The following IFT140 variants were observed in gnomAD, a reference collection of about 807,000 sequenced individuals.
IFT140 encodes the protein intraflagellar transport protein 140 homolog.
IFT140 carries 133 observed loss-of-function variants against 164.6 expected under a neutral mutation model. The observed-to-expected ratio is 0.81, with a 90% CI of 0.70 to 0.93. The LOEUF is 0.93. Ranked by LOEUF, IFT140 falls within the 40% of genes least tolerant of loss-of-function variation. IFT140 has a pLI of 0.00. For synonymous variants in IFT140, 860 were observed against 817.3 expected, an observed-to-expected ratio of 1.05 and a Z score of -0.89; for missense variants, 2,045 against 1,972.3, an observed-to-expected ratio of 1.04 and a Z score of -0.70.
Position 1,552,856 on chromosome 16 carries a change from T to C in IFT140, c.2399+5079A>G, listed in dbSNP as rs1402621294. On this transcript the variant is annotated intron_variant, in intron 19 of 30. Coordinates refer to ENST00000426508, the MANE Select transcript of IFT140 (RefSeq NM_014714.4). ...TTTTAGTAGAGATAGGGTTTCACCA[T>C]CTTGGCCAGGCTGGTCTTGAACTCG... 8.4e-6 allele frequency: 4 copies of C among 478,552 alleles called. No homozygotes were observed. In the African/African-American group the frequency reaches 8.6e-5, roughly 10 times the overall value. The allele number at this position is 478,552 out of a possible 1,614,324, so 29.6% of individuals were successfully genotyped here. A position where few individuals can be genotyped will look rare whatever the true frequency, so the allele number is the denominator to read the frequency against.
At position 1,511,088 on chromosome 16, in the gene IFT140, C is replaced by T. The variant is rs1261908138; in HGVS notation, c.4245G>A (p.Val1415=). 4 of 1,610,522 alleles carry T rather than the reference C, an allele frequency of 2.5e-6. No individual in the cohort carries two copies. Among genetic ancestry groups the T allele is most frequent in the Non-Finnish European group, 3.4e-6 (4 of 1,179,058 alleles). ...GCACGGCGTCCACGGCCTGCGGGCT[C>T]ACGTAGTAGGACATGTTGGCCAAGG... is the stretch of plus-strand genomic sequence containing the variant. ...RLPLANMSYY[V]SPQAVDAVHR... Residue 1415 remains valine, a synonymous_variant, in exon 31 of 31, where the codon GTG becomes GTA. Transcript: ENST00000426508.
At chr16:1,588,336 T>A (rs1200093868) in intron 7 of IFT140, among the ~76,000 whole-genome samples, 2 of 151,960 alleles carry the variant, frequency 1.3e-5, no homozygotes, top group African/African-American at 4.8e-5. Flanking sequence ...CCATCCTGGC[T>A]AACACAGTGA....
chr16:1,561,026 C>T (rs1380531658), intron 18 of IFT140, among the ~76,000 whole-genome samples: 1 of 152,262 alleles, frequency 6.6e-6, no homozygotes, highest in African/African-American at 2.4e-5. Context: ...CTCCCGCCTG[C>T]AGAACCCCTG....
chr16:1,568,118 C>T lies in IFT140; in HGVS notation c.1770+99G>A, dbSNP rs1019983821. The T allele has an allele frequency of 6.2e-6, 5 of 805,946 alleles. No individual in the cohort carries two copies. The Admixed American group carries it at 1.0e-4, about 16-fold the overall frequency. The allele number at this position is 805,946 out of a possible 1,614,324, so 49.9% of individuals were successfully genotyped here. ...CTGAACAGAACACAGGACAGGAAGA[C>T]TTGCACAGGAGGAGAGAGGCACGAG... On this transcript the variant is annotated intron_variant, in intron 15 of 30. Coordinates refer to ENST00000426508, the MANE Select transcript of IFT140 (RefSeq NM_014714.4).
rs142668269 is a variant in IFT140 at position 1,518,239 on chromosome 16, C to A, written c.4159G>T (p.Val1387Leu). The change falls in exon 30 of 31, where the codon GTG (valine) becomes TTG (leucine). Residue 1387 changes from valine to leucine, a missense_variant. Physicochemically the swap from Val to Leu is conservative, Grantham distance 32 (BLOSUM62 1). Transcript: ENST00000426508. ...DVYGFLVEHY[V>L]RKEEYQTAYR... ...ACCGTCTGGTATTCCTCCTTCCGCA[C>A]GTAGTGCTCCACCAGGAAGCCATAG... is the stretch of plus-strand genomic sequence containing the variant. 48 of 1,613,840 alleles carry A rather than the reference C, an allele frequency of 3.0e-5. No homozygotes were observed. Among genetic ancestry groups the A allele is most frequent in the Admixed American group, 1.2e-4 (7 of 59,994 alleles).
chr16:1,548,333 C>T (rs1596343332), intron 19 of IFT140, among the ~76,000 whole-genome samples: 1 of 152,324 alleles, frequency 6.6e-6, no homozygotes, highest in Non-Finnish European at 1.5e-5. Context: ...TGTGTGACAG[C>T]CATTCCAAAA....
At chr16:1,548,389 GA>G (rs2032350905) in intron 19 of IFT140, among the ~76,000 whole-genome samples, 2 of 152,220 alleles carry the variant, frequency 1.3e-5, no homozygotes, top group Admixed American at 1.3e-4. Flanking sequence ...CCGCAGGAAG[GA>G]AAGGAGAGGG....
intron 19 of IFT140, among the ~76,000 whole-genome samples, chr16:1,537,729 C>T (rs996511278): frequency 2.0e-5 from 3 of 152,226 alleles, no homozygotes; most frequent in Non-Finnish European, 2.9e-5. Flanking sequence ...TTCGTGCGTT[C>T]TGTCAGGCAT....
intron 19 of IFT140, among the ~76,000 whole-genome samples, chr16:1,535,138 C>T (rs530180385): frequency 6.6e-5 from 10 of 152,128 alleles, no homozygotes; most frequent in African/African-American, 1.7e-4. Flanking sequence ...TTTGTTCTCA[C>T]GGTTGTTGGG....
Position 1,586,236 on chromosome 16 carries a change from A to G in IFT140, c.1049T>C (p.Met350Thr), listed in dbSNP as rs1188370536. ...AAGTDRGRVA[M>T]WRKVPDFLGS... ...CAGGAAGTCTGGTACTTTCCTCCAC[A>G]TGGCTACTCGCCCTCTGTCGGTACC... Residue 350 changes from methionine to threonine, a missense_variant, in exon 10 of 31, where the codon ATG becomes ACG. By Grantham distance (81) the Met-to-Thr change is moderately conservative (BLOSUM62 -1). Coordinates refer to ENST00000426508, the MANE Select transcript of IFT140 (RefSeq NM_014714.4). 15 of 1,613,946 alleles carry G rather than the reference A, an allele frequency of 9.3e-6. No individual in the cohort carries two copies. Among genetic ancestry groups the G allele is most frequent in the South Asian group, 8.8e-5 (8 of 91,076 alleles).
chr16:1,587,901 C>T (rs758936587), intron 8 of IFT140, 32 bp downstream of exon 8: 8 of 1,553,088 alleles, frequency 5.2e-6, no homozygotes, highest in Non-Finnish European at 6.2e-6. Context: ...AGGGAACTCT[C>T]ATCAAGGGGC....
At chr16:1,576,272 T>G (rs1302562386) in intron 13 of IFT140, among the ~76,000 whole-genome samples, 80 of 98,300 alleles carry the variant, frequency 8.1e-4, no homozygotes, top group Admixed American at 1.3e-3. Context: ...GGCAACAGAG[T>G]GAGACTCTGT....
At chr16:1,522,277 A>C (rs2040547911) in intron 26 of IFT140, among the ~76,000 whole-genome samples, 1 of 152,124 alleles carries the variant, frequency 6.6e-6, no homozygotes, top group Admixed American at 6.6e-5. Flanking sequence ...GAATTGCTTG[A>C]ACCCGGGAGG....
chr16:1,527,423 A>G (rs1025799065), intron 19 of IFT140, among the ~76,000 whole-genome samples: 3 of 152,124 alleles, frequency 2.0e-5, no homozygotes, highest in Non-Finnish European at 4.4e-5. Context: ...CGGGCTGACC[A>G]GTGGGTCACG....
chr16:1,566,320 C>A, intron 15 of IFT140, 29 bp from the exon 16 acceptor site: 3 of 1,610,278 alleles, frequency 1.9e-6, no homozygotes, highest in South Asian at 1.1e-5. Context: ...AGAAAGCTCA[C>A]GGAGCCTGCC....
rs564398507 is a variant in IFT140, at chr16:1,562,675, G to A, written c.2068-559C>T. ...TAGTCCCAGCTACTTGGTAGTCTGAGGCAGGAGGATCGCTTGAACCCGGGA... is the reference window on the plus strand; with the variant it reads ...TAGTCCCAGCTACTTGGTAGTCTGAAGCAGGAGGATCGCTTGAACCCGGGA... On this transcript the variant is annotated intron_variant, in intron 17 of 30. Coordinates refer to ENST00000426508, the MANE Select transcript of IFT140 (RefSeq NM_014714.4). Among the ~76,000 whole-genome samples the A allele has an allele frequency of 5.3e-5, 8 of 152,292 alleles. No homozygotes were observed. The East Asian group carries it at 1.5e-3, about 29-fold the overall frequency.
chr16:1,520,446 C>T, intron 27 of IFT140, 103 bp from the exon 28 acceptor site: 3 of 1,383,968 alleles, frequency 2.2e-6, no homozygotes, highest in South Asian at 2.4e-5. Context: ...CTCAGGGCTG[C>T]CCGGTAGAGA....
At chr16:1,516,341 C>T (rs778239508) in intron 30 of IFT140, among the ~76,000 whole-genome samples, 10 of 151,902 alleles carry the variant, frequency 6.6e-5, no homozygotes, top group East Asian at 3.8e-4. Flanking sequence ...GGTGGGGACA[C>T]GGGTGGGAAA....
At position 1,566,166 on chromosome 16, in the gene IFT140, A is replaced by T. The variant is rs141276689; in HGVS notation, c.1896T>A (p.Thr632=). 3.4e-5 allele frequency: 55 copies of T among 1,612,700 alleles called. No homozygotes were observed. Among genetic ancestry groups the T allele is most frequent in the Non-Finnish European group, 4.7e-5 (55 of 1,179,290 alleles). ...CTCCTGAACCACAATCTTACTTATTAGTCTCTTGCTCATTAAAGGACAGCG... is the reference window on the plus strand; with the variant it reads ...CTCCTGAACCACAATCTTACTTATTTGTCTCTTGCTCATTAAAGGACAGCG... ...RETLSFNEQE[T]NKSHLFVDEG... is the part of the protein sequence containing the mutation. Residue 632 remains threonine (T), a synonymous_variant, in exon 16 of 31, where the codon ACT becomes ACA. Coordinates refer to ENST00000426508, the MANE Select transcript of IFT140 (RefSeq NM_014714.4).
Sources: allele counts gnomAD v4.1 joint callset (sites outside exome capture counted in the v4.1 genomes callset), GRCh38; gene constraint gnomAD v4.1.1; transcripts MANE v1.5; gene names NCBI Gene and HGNC (gene_info 2026-07-23, HGNC 2026-07-21).